CD226: variants seen among roughly 807,000 people sequenced by gnomAD.
The protein encoded by CD226 is CD226 antigen.
Under a neutral mutation model 34.9 loss-of-function variants are expected in CD226, and 24 were observed. That is an observed-to-expected ratio of 0.69 (90% CI 0.50 to 0.97). The LOEUF is 0.97. Among genes scored for constraint, CD226 ranks in the 50% least tolerant of loss-of-function variants. The pLI is 0.00. For missense variants in CD226, 397 were observed against 412.7 expected, an observed-to-expected ratio of 0.96 and a Z score of 0.33; for synonymous variants, 148 against 147.4, an observed-to-expected ratio of 1.00 and a Z score of -0.03.
chr18:69,884,267 C>T (rs779525930), intron 3 of CD226, among the ~76,000 whole-genome samples: 15 of 152,126 alleles, frequency 9.9e-5, no homozygotes, highest in Non-Finnish European at 2.1e-4. Context: ...GGCCTGGGAA[C>T]AAGTCCCAGG....
intron 2 of CD226, among the ~76,000 whole-genome samples, chr18:69,898,269 C>T (rs1244323357): frequency 2.0e-5 from 3 of 152,158 alleles, no homozygotes; most frequent in Non-Finnish European, 2.9e-5. Context: ...AAGTAAGAGG[C>T]AGCGTGAATG....
Position 69,861,815 on chromosome 18 carries a change from G to C in CD226, c.*2499C>G, listed in dbSNP as rs1388426235. The C allele has an allele frequency of 6.6e-6, 1 of 151,844 alleles. No individual in the cohort carries two copies. Among genetic ancestry groups the C allele is most frequent in the Non-Finnish European group, 1.5e-5 (1 of 67,922 alleles). The allele number at this position is 151,844 out of a possible 1,614,324, so 9.4% of individuals were successfully genotyped here. Reference sequence around the variant, plus strand: ...AAAAGATGACAATGAAAGTGCTTTGGTAAGTAAAGATGTCCAGAGAAAGAA... The same window carrying C: ...AAAAGATGACAATGAAAGTGCTTTGCTAAGTAAAGATGTCCAGAGAAAGAA... On this transcript the variant is annotated 3_prime_UTR_variant, in exon 6 of 6. Transcript: ENST00000582621.
chr18:69,873,890 A>G (rs1983701927), intron 3 of CD226, among the ~76,000 whole-genome samples: 1 of 152,198 alleles, frequency 6.6e-6, no homozygotes, highest in Admixed American at 6.5e-5. Flanking sequence ...AAAATAGTAA[A>G]TAAACAAAGA....
chr18:69,917,877 G>C (rs1599007311), intron 2 of CD226, among the ~76,000 whole-genome samples: 1 of 152,278 alleles, frequency 6.6e-6, no homozygotes, highest in Non-Finnish European at 1.5e-5. Context: ...TATAGTGAAG[G>C]AAAATGAGTG....
intron 2 of CD226, among the ~76,000 whole-genome samples, chr18:69,919,267 A>C (rs2055422626): frequency 6.6e-6 from 1 of 152,208 alleles, no homozygotes; most frequent in Non-Finnish European, 1.5e-5. Flanking sequence ...CATAATGCTC[A>C]AACTGAAGAA....
At chr18:69,940,860 G>A (rs1348401436) in intron 2 of CD226, among the ~76,000 whole-genome samples, 1 of 152,196 alleles carries the variant, frequency 6.6e-6, no homozygotes, top group African/African-American at 2.4e-5. Context: ...TGTCTCCAAG[G>A]CATGTCAGAG....
chr18:69,960,387 C>T (rs1410221380), upstream of CD226, among the ~76,000 whole-genome samples: 1 of 152,172 alleles, frequency 6.6e-6, no homozygotes, highest in African/African-American at 2.4e-5. Context: ...ATCTCAGTTT[C>T]CTCCAGCAAC....
chr18:69,923,365 G>A (rs887392452), intron 2 of CD226, among the ~76,000 whole-genome samples: 2 of 152,134 alleles, frequency 1.3e-5, no homozygotes, highest in South Asian at 2.1e-4. Context: ...GATCAATGCA[G>A]GGCTGAAGTT....
chr18:69,911,433 T>A (rs17062742), intron 2 of CD226, among the ~76,000 whole-genome samples: 5,280 of 152,256 alleles, frequency 0.035, 318 homozygotes, highest in African/African-American at 0.12. Flanking sequence ...TTTTTGGAAG[T>A]TGGGACCAAA....
chr18:69,938,159 C>G (rs755474394), intron 2 of CD226, among the ~76,000 whole-genome samples: 2 of 152,190 alleles, frequency 1.3e-5, no homozygotes, highest in African/African-American at 4.8e-5. Context: ...ATCACAGAGT[C>G]AGCAAACATA....
At chr18:69,903,985 A>G (rs2055219262) in intron 2 of CD226, among the ~76,000 whole-genome samples, 1 of 152,168 alleles carries the variant, frequency 6.6e-6, no homozygotes. Context: ...CATCCTGCTG[A>G]GAAAATCGGC....
chr18:69,900,438 T>A (rs760549968), intron 2 of CD226, among the ~76,000 whole-genome samples: 28 of 152,184 alleles, frequency 1.8e-4, no homozygotes, highest in Admixed American at 6.5e-4. Flanking sequence ...AAAGTTTTTT[T>A]AAAAATTTTT....
chr18:69,917,480 A>C (rs1051525253), intron 2 of CD226, among the ~76,000 whole-genome samples: 3 of 151,022 alleles, frequency 2.0e-5, no homozygotes, highest in South Asian at 2.1e-4. Flanking sequence ...TAGGTTACAC[A>C]CCCCCCCAAC....
rs539043002 is a variant in CD226, at chr18:69,853,627, G to C, written c.*10687C>G. On this transcript the variant is annotated 3_prime_UTR_variant, in exon 6 of 6. Transcript: ENST00000582621. ...TTTAACAGAATTTCCCCCAAAAAATGCTTGTGAAATCTGGTGCTTTAGACT... is the reference window on the plus strand; with the variant it reads ...TTTAACAGAATTTCCCCCAAAAAATCCTTGTGAAATCTGGTGCTTTAGACT... 1 of 152,276 alleles carries C rather than the reference G, an allele frequency of 6.6e-6. No homozygotes were observed. The highest frequency in any genetic ancestry group is 2.1e-4 in the South Asian group (1 of 4,828). The allele number at this position is 152,276 out of a possible 1,614,324, so 9.4% of individuals were successfully genotyped here.
chr18:69,902,078 G>A (rs1231619444), intron 2 of CD226, among the ~76,000 whole-genome samples: 1 of 152,062 alleles, frequency 6.6e-6, no homozygotes, highest in Non-Finnish European at 1.5e-5. Context: ...AGCTGAGCTG[G>A]CAAAGAACAG....
At position 69,860,822 on chromosome 18, in the gene CD226, T is replaced by A. The variant is rs1009202888; in HGVS notation, c.*3492A>T. On this transcript the variant is annotated 3_prime_UTR_variant, in exon 6 of 6. Coordinates refer to ENST00000582621, the MANE Select transcript of CD226 (RefSeq NM_001303618.2). The stretch of plus-strand genomic sequence containing the variant: ...TAAAGATATTTTCTTATCACTGTTG[T>A]GAAAAAGAAACTTTGTACTCACAAT... The A allele has an allele frequency of 1.3e-5, 2 of 152,138 alleles. No homozygotes were observed. The highest frequency in any genetic ancestry group is 2.9e-5 in the Non-Finnish European group (2 of 67,980). 9.4% of individuals were successfully genotyped at this position (152,138 alleles called of 1,614,324 possible).
chr18:69,927,095 T>G (rs1292702802), intron 2 of CD226, among the ~76,000 whole-genome samples: 1 of 152,152 alleles, frequency 6.6e-6, no homozygotes, highest in Non-Finnish European at 1.5e-5. Context: ...GGGACATCAT[T>G]AAGTCTTGAG....
At chr18:69,939,937 T>C (rs1264126287) in intron 2 of CD226, among the ~76,000 whole-genome samples, 5 of 152,244 alleles carry the variant, frequency 3.3e-5, no homozygotes, top group Non-Finnish European at 7.3e-5. Flanking sequence ...CATGATCATA[T>C]GATATAATTT....
intron 2 of CD226, among the ~76,000 whole-genome samples, chr18:69,935,051 G>A (rs1047952306): frequency 2.6e-5 from 4 of 152,172 alleles, no homozygotes; most frequent in East Asian, 3.9e-4. Flanking sequence ...TCTTTTTATC[G>A]ACGCTACCTA....
Sources: allele counts gnomAD v4.1 joint callset (sites outside exome capture counted in the v4.1 genomes callset), GRCh38; gene constraint gnomAD v4.1.1; transcripts MANE v1.5; gene names NCBI Gene and HGNC (gene_info 2026-07-23, HGNC 2026-07-21).